Variants in FGGY observed in about 807,000 individuals in gnomAD.
FGGY encodes the protein FGGY carbohydrate kinase domain-containing protein.
In FGGY, 72 loss-of-function variants were observed where a neutral mutation model predicts 71.3. The ratio of observed to expected loss-of-function variants is 1.01; its 90% CI spans 0.84 to 1.23. The LOEUF (loss-of-function observed/expected upper bound fraction) is 1.23. FGGY is among the 50% of genes most tolerant of loss of function. FGGY has a pLI of 0.00. For synonymous variants in FGGY, 251 were observed against 250.3 expected, an observed-to-expected ratio of 1.00 and a Z score of -0.02; for missense variants, 668 against 682.3, an observed-to-expected ratio of 0.98 and a Z score of 0.23.
At chr1:59,591,923 G>T (rs1398425019) in intron 8 of FGGY, among the ~76,000 whole-genome samples, 6 of 152,266 alleles carry the variant, frequency 3.9e-5, no homozygotes, top group South Asian at 2.1e-4. Context: ...GGCAACAAAA[G>T]CCAAAATTGA....
intron 8 of FGGY, among the ~76,000 whole-genome samples, chr1:59,592,797 A>G (rs2096468338): frequency 1.7e-5 from 2 of 120,318 alleles, no homozygotes; most frequent in African/African-American, 3.9e-5. Flanking sequence ...GGGTGGGGGG[A>G]CGGGGGAGGG....
intron 8 of FGGY, among the ~76,000 whole-genome samples, chr1:59,559,283 G>C (rs373566977): frequency 2.6e-5 from 4 of 152,108 alleles, no homozygotes; most frequent in African/African-American, 9.7e-5. Context: ...AAAGATTGGC[G>C]TAAGAAATTA....
intron 7 of FGGY, among the ~76,000 whole-genome samples, chr1:59,540,030 A>G (rs952784635): frequency 4.6e-5 from 7 of 152,248 alleles, no homozygotes; most frequent in African/African-American, 1.7e-4. Context: ...CAGCCTTGTT[A>G]GTCATTAGGA....
chr1:59,325,306 G>C (rs185522906), intron 2 of FGGY, among the ~76,000 whole-genome samples: 1 of 152,128 alleles, frequency 6.6e-6, no homozygotes, highest in African/African-American at 2.4e-5. Context: ...GCAGTGAGCC[G>C]AGATTGCGCC....
chr1:59,566,024 T>G (rs1305658252), intron 8 of FGGY, among the ~76,000 whole-genome samples: 1 of 152,218 alleles, frequency 6.6e-6, no homozygotes, highest in East Asian at 1.9e-4. Context: ...CTCATGAAGA[T>G]GTTTTTCTAT....
At chr1:59,544,432 G>A (rs2095491103) in intron 7 of FGGY, among the ~76,000 whole-genome samples, 3 of 152,100 alleles carry the variant, frequency 2.0e-5, no homozygotes, top group Admixed American at 2.0e-4. Flanking sequence ...TACAGGGAGG[G>A]CACCTCTCAC....
intron 3 of FGGY, among the ~76,000 whole-genome samples, chr1:59,340,924 C>G (rs1345155174): frequency 6.6e-6 from 1 of 152,110 alleles, no homozygotes; most frequent in Non-Finnish European, 1.5e-5. Context: ...ATTGCATGCT[C>G]CATCTGAAGG....
chr1:59,601,284 C>T (rs907052757), intron 8 of FGGY, among the ~76,000 whole-genome samples: 21 of 152,206 alleles, frequency 1.4e-4, no homozygotes, highest in African/African-American at 4.6e-4. Flanking sequence ...GCAGAACAAA[C>T]GGAGCTGGAG....
chr1:59,435,506 G>T (rs183243536), intron 5 of FGGY, among the ~76,000 whole-genome samples: 2 of 151,988 alleles, frequency 1.3e-5, no homozygotes, highest in Admixed American at 6.5e-5. Flanking sequence ...AGCCTTGCCC[G>T]CCCCTCATGC....
At chr1:59,705,682 A>G (rs1416333638) in intron 14 of FGGY, among the ~76,000 whole-genome samples, 3 of 152,234 alleles carry the variant, frequency 2.0e-5, no homozygotes, top group Non-Finnish European at 2.9e-5. Flanking sequence ...ACTTTGAGAC[A>G]TAACTTTGCT....
At chr1:59,303,936 AAAATT>A (rs369178435) in intron 1 of FGGY, among the ~76,000 whole-genome samples, 7 of 152,260 alleles carry the variant, frequency 4.6e-5, no homozygotes, top group Non-Finnish European at 5.9e-5. Flanking sequence ...CCCATTAAAA[AAAATT>A]AAGTTACTTG....
intron 6 of FGGY, among the ~76,000 whole-genome samples, chr1:59,458,392 T>C (rs906298751): frequency 2.0e-5 from 3 of 152,068 alleles, no homozygotes; most frequent in African/African-American, 7.2e-5. Flanking sequence ...ATTAAAATAT[T>C]GAGATGCTTG....
intron 15 of FGGY, among the ~76,000 whole-genome samples, chr1:59,760,273 C>G (rs1004255260): frequency 6.6e-6 from 1 of 152,170 alleles, no homozygotes; most frequent in Admixed American, 6.5e-5. Flanking sequence ...TAGGATGCTA[C>G]TATTTTAAAA....
At chr1:59,305,016 T>C (rs1277887273) in intron 1 of FGGY, among the ~76,000 whole-genome samples, 1 of 152,188 alleles carries the variant, frequency 6.6e-6, no homozygotes. Context: ...ACAGACAATG[T>C]TATCCCTTCC....
upstream of FGGY, chr1:59,296,683 A>ACGGGGGCCGCGCTTTACG (rs1557464157): frequency 7.0e-6 from 1 of 142,254 alleles, no homozygotes; most frequent in African/African-American, 2.7e-5. Flanking sequence ...CGCGCTTTAC[A>ACGGGGGCCGCGCTTTACG]GGGGCCGCGC....
intron 4 of FGGY, 65 bp from the exon 5 acceptor site, chr1:59,378,684 A>G (rs2058976687): frequency 2.1e-6 from 3 of 1,461,884 alleles, no homozygotes; most frequent in Non-Finnish European, 2.8e-6. Flanking sequence ...AATTTGAAAC[A>G]TTATTGAAAG....
intron 14 of FGGY, among the ~76,000 whole-genome samples, chr1:59,689,922 G>A (rs760038277): frequency 6.6e-6 from 1 of 152,178 alleles, no homozygotes; most frequent in Non-Finnish European, 1.5e-5. Flanking sequence ...AGAGGAGCCT[G>A]TGTGTTGGAT....
intron 6 of FGGY, among the ~76,000 whole-genome samples, chr1:59,468,559 T>G (rs775607551): frequency 1.2e-4 from 18 of 152,162 alleles, no homozygotes; most frequent in Admixed American, 2.6e-4. Flanking sequence ...ATTTTTGTCA[T>G]GTAGGCTAAA....
chr1:59,502,599 T>C (rs1570298172), intron 6 of FGGY, among the ~76,000 whole-genome samples: 1 of 152,208 alleles, frequency 6.6e-6, no homozygotes, highest in Non-Finnish European at 1.5e-5. Context: ...TTGTGACTTA[T>C]TGCCCTGGCT....
Sources: gnomAD v4.1 joint callset for allele counts (sites outside exome capture counted in the v4.1 genomes callset) on GRCh38, gnomAD v4.1.1 for gene constraint, MANE v1.5 for transcripts, NCBI Gene and HGNC (gene_info 2026-07-23, HGNC 2026-07-21) for gene names.